Variants in FAM171A1 observed in about 807,000 individuals in gnomAD.
FAM171A1 encodes protein FAM171A1.
Under a neutral mutation model 74.9 loss-of-function variants are expected in FAM171A1, and 23 were observed. The observed-to-expected ratio is 0.31, with a 90% CI of 0.22 to 0.44. FAM171A1 has a LOEUF of 0.44. Ranked by LOEUF, FAM171A1 falls within the 20% of genes least tolerant of loss-of-function variation. The pLI is 1.00. For missense variants in FAM171A1, 1,162 were observed against 1,159.2 expected, an observed-to-expected ratio of 1.00 and a Z score of -0.03; for synonymous variants, 527 against 505.7, an observed-to-expected ratio of 1.04 and a Z score of -0.57.
chr10:15,301,576 C>A (rs182837778), intron 1 of FAM171A1, among the ~76,000 whole-genome samples: 1 of 152,110 alleles, frequency 6.6e-6, no homozygotes, highest in Non-Finnish European at 1.5e-5. Context: ...AAAGAGCAGG[C>A]ATGCTTGGTG....
intron 1 of FAM171A1, among the ~76,000 whole-genome samples, chr10:15,339,184 G>T (rs1043125340): frequency 7.9e-5 from 12 of 152,188 alleles, no homozygotes; most frequent in Admixed American, 2.0e-4. Context: ...CAAAAAAACT[G>T]CAGAGACAAC....
At chr10:15,303,617 G>A (rs4748156) in intron 1 of FAM171A1, among the ~76,000 whole-genome samples, 64,570 of 152,072 alleles carry the variant, frequency 0.42, 14,591 homozygotes, top group East Asian at 0.78. Flanking sequence ...CAGACAATGG[G>A]AAGTTGTTTT....
At chr10:15,308,779 C>G (rs1015987897) in intron 1 of FAM171A1, among the ~76,000 whole-genome samples, 1 of 152,138 alleles carries the variant, frequency 6.6e-6, no homozygotes, top group Non-Finnish European at 1.5e-5. Context: ...GTTGCAAAGC[C>G]ACATTAAGGT....
intron 1 of FAM171A1, among the ~76,000 whole-genome samples, chr10:15,346,562 C>T (rs1835819131): frequency 6.6e-6 from 1 of 152,190 alleles, no homozygotes; most frequent in South Asian, 2.1e-4. Flanking sequence ...GCTATTCCAT[C>T]CAGGAGATCC....
chr10:15,313,409 TTC>T (rs1835387321), intron 1 of FAM171A1, among the ~76,000 whole-genome samples: 1 of 152,236 alleles, frequency 6.6e-6, no homozygotes, highest in Non-Finnish European at 1.5e-5. Flanking sequence ...CTCTTGGAAC[TTC>T]TCTGTCCTCG....
rs1281476146 is a variant in FAM171A1 at position 15,213,231 on chromosome 10, G to A, written c.2357C>T (p.Thr786Met). 15 of 1,613,998 alleles carry A rather than the reference G, an allele frequency of 9.3e-6. No homozygotes were observed. The highest frequency in any genetic ancestry group is 1.2e-5 in the Non-Finnish European group (14 of 1,180,036). ...CACGTCATCCAGGTACACGAGCTGC[G>A]TGTAGGCCGTGCTGTCTGGGGCTCG... ...EPRAPDSTAYTQLVYLDDVEQ... is the reference protein window; with the variant it reads ...EPRAPDSTAYMQLVYLDDVEQ... Residue 786 changes from threonine (T) to methionine (M), a missense_variant, in exon 8 of 8, where the codon ACG becomes ATG. Thr to Met is a moderately conservative substitution (Grantham distance 81, BLOSUM62 -1). Transcript: ENST00000378116. The surrounding 1 kb of genome is among the most constrained non-coding windows in gnomAD (Gnocchi z 6.8).
At chr10:15,331,210 T>C (rs1308696101) in intron 1 of FAM171A1, among the ~76,000 whole-genome samples, 1 of 152,056 alleles carries the variant, frequency 6.6e-6, no homozygotes, top group South Asian at 2.1e-4. Context: ...TTCACACACA[T>C]GCATGCATAT....
At chr10:15,233,849 C>A (rs1317405295) in intron 5 of FAM171A1, among the ~76,000 whole-genome samples, 1 of 150,696 alleles carries the variant, frequency 6.6e-6, no homozygotes, top group Admixed American at 6.6e-5. Flanking sequence ...TTGCAGTGAG[C>A]TGAGATAGTG....
chr10:15,273,238 C>T (rs1481562846), intron 3 of FAM171A1, among the ~76,000 whole-genome samples: 5 of 152,178 alleles, frequency 3.3e-5, no homozygotes, highest in Admixed American at 3.3e-4. Context: ...GAAATACAAA[C>T]TACCATCAGA....
chr10:15,294,413 A>G (rs188274091), intron 1 of FAM171A1, among the ~76,000 whole-genome samples: 1 of 152,190 alleles, frequency 6.6e-6, no homozygotes, highest in Non-Finnish European at 1.5e-5. Context: ...TCTTCTTGCT[A>G]CACACTCTCA....
chr10:15,254,585 T>C, intron 4 of FAM171A1, 136 bp downstream of exon 4: 1 of 938,460 alleles, frequency 1.1e-6, no homozygotes, highest in South Asian at 1.8e-5. Flanking sequence ...CACTTGAACT[T>C]GTACCAAGAA....
In FAM171A1 at chr10:15,358,190, G is replaced by C. The variant is rs558621656; in HGVS notation, c.97+12766C>G. On this transcript the variant is annotated intron_variant, in intron 1 of 7. Transcript: ENST00000378116. ...GAGGTCTCCCTATGTTTTCCAGGCT[G>C]GTCTTGAACTCCTGGGCTCAAGCGA... Among the ~76,000 whole-genome samples the C allele has an allele frequency of 5.0e-3, 758 of 152,124 alleles. 6 individuals are homozygous for C. Among genetic ancestry groups the C allele is most frequent in the African/African-American group, 0.017 (696 of 41,504 alleles).
chr10:15,310,765 G>A (rs1228795167), intron 1 of FAM171A1, among the ~76,000 whole-genome samples: 1 of 152,012 alleles, frequency 6.6e-6, no homozygotes, highest in Admixed American at 6.6e-5. Context: ...AGGGGTTGAG[G>A]CAGGAGAACC....
At chr10:15,257,431 A>C (rs1240058390) in intron 3 of FAM171A1, among the ~76,000 whole-genome samples, 1 of 152,162 alleles carries the variant, frequency 6.6e-6, no homozygotes, top group Non-Finnish European at 1.5e-5. Context: ...TGCTCTCCCC[A>C]GCTCTCAGGG....
chr10:15,324,586 C>T (rs1286566290), intron 1 of FAM171A1, among the ~76,000 whole-genome samples: 2 of 152,164 alleles, frequency 1.3e-5, no homozygotes, highest in East Asian at 3.8e-4. Context: ...CCTGCACAGT[C>T]GGCTGAGATT....
chr10:15,290,087 G>A (rs1003777448), intron 1 of FAM171A1, among the ~76,000 whole-genome samples: 1 of 152,134 alleles, frequency 6.6e-6, no homozygotes, highest in Non-Finnish European at 1.5e-5. Flanking sequence ...AATTAGCTGG[G>A]TGTGGTAGTA....
intron 5 of FAM171A1, among the ~76,000 whole-genome samples, chr10:15,232,171 C>T (rs1376080521): frequency 2.0e-5 from 3 of 152,156 alleles, no homozygotes; most frequent in African/African-American, 7.2e-5. Context: ...TGCTTAGTGA[C>T]CTGGCTGGTT....
At chr10:15,340,146 T>C (rs889638123) in intron 1 of FAM171A1, among the ~76,000 whole-genome samples, 3 of 152,196 alleles carry the variant, frequency 2.0e-5, no homozygotes, top group African/African-American at 7.2e-5. Flanking sequence ...AGACATACAT[T>C]ACTTGGAATT....
At chr10:15,351,596 C>G (rs28483895) in intron 1 of FAM171A1, among the ~76,000 whole-genome samples, 1,445 of 10,156 alleles carry the variant, frequency 0.14, 35 homozygotes, top group East Asian at 0.46. Context: ...TGGATGGATG[C>G]ATGGATGGAT....
Sources: gnomAD v4.1 joint callset for allele counts (sites outside exome capture counted in the v4.1 genomes callset) on GRCh38, gnomAD v4.1.1 for gene constraint, Gnocchi (gnomAD v3.1) non-coding constraint, MANE v1.5 for transcripts, NCBI Gene and HGNC (gene_info 2026-07-23, HGNC 2026-07-21) for gene names.